CCND3: variants seen among roughly 807,000 people sequenced by gnomAD.
The protein encoded by CCND3 is cyclin D3.
Under a neutral mutation model 28.7 loss-of-function variants are expected in CCND3, and 9 were observed. The ratio of observed to expected loss-of-function variants is 0.31; its 90% CI spans 0.19 to 0.55. The LOEUF is 0.55. Among genes scored for constraint, CCND3 ranks in the 20% least tolerant of loss-of-function variants. The probability of loss-of-function intolerance (pLI) is 0.93; values close to 1 mark genes in which losing one functional copy is unlikely to be tolerated. For missense variants in CCND3, 315 were observed against 385.8 expected, an observed-to-expected ratio of 0.82 and a Z score of 1.54; for synonymous variants, 164 against 163.9, an observed-to-expected ratio of 1.00 and a Z score of 0.00.
At chr6:41,968,121 T>C (rs767979059) in intron 1 of CCND3, among the ~76,000 whole-genome samples, 7 of 152,136 alleles carry the variant, frequency 4.6e-5, no homozygotes, top group Non-Finnish European at 1.0e-4. Flanking sequence ...AATGCTGATA[T>C]CAATGAAGAT....
At chr6:41,987,034 T>TTAC (rs1160674173) in intron 1 of CCND3, among the ~76,000 whole-genome samples, 1 of 152,082 alleles carries the variant, frequency 6.6e-6, no homozygotes, top group Non-Finnish European at 1.5e-5. Context: ...TGAATAGTCA[T>TTAC]TACTATTCTG....
At chr6:42,001,003 A>G (rs1582148825) in intron 1 of CCND3, among the ~76,000 whole-genome samples, 1 of 151,902 alleles carries the variant, frequency 6.6e-6, no homozygotes, top group East Asian at 2.0e-4. Flanking sequence ...TGGGAGGCCG[A>G]GGCGGGCAGA....
chr6:41,985,191 C>CA (rs1482299237), intron 1 of CCND3, among the ~76,000 whole-genome samples: 3 of 151,802 alleles, frequency 2.0e-5, no homozygotes, highest in Non-Finnish European at 4.4e-5. Context: ...TGTTGCCTGT[C>CA]CTATGTCATT....
At chr6:41,973,499 C>A (rs1382775353) in intron 1 of CCND3, among the ~76,000 whole-genome samples, 1 of 152,086 alleles carries the variant, frequency 6.6e-6, no homozygotes, top group African/African-American at 2.4e-5. Context: ...ATATAGACTA[C>A]TGTACTATAA....
intron 1 of CCND3, among the ~76,000 whole-genome samples, chr6:42,010,025 G>A (rs939980014): frequency 3.3e-5 from 5 of 152,256 alleles, no homozygotes; most frequent in African/African-American, 1.2e-4. Context: ...GAGAACCTTT[G>A]TTCTAGAATG....
chr6:41,936,119 G>A lies in CCND3; in HGVS notation c.712-12C>T. 1 of 1,564,464 alleles carries A rather than the reference G, an allele frequency of 6.4e-7. No homozygotes were observed. The highest frequency in any genetic ancestry group is 8.7e-7 in the Non-Finnish European group (1 of 1,154,622). ...GCCCGCAGGCAGTCCTGGGAACATG[G>A]GAGAAGAGTGAGGAGCAAACACTCC... On this transcript the variant is annotated splice_polypyrimidine_tract_variant and intron_variant, in intron 4 of 4. Transcript: ENST00000372991. The surrounding 1 kb of genome is among the most constrained non-coding windows in gnomAD (Gnocchi z 4.4).
intron 1 of CCND3, among the ~76,000 whole-genome samples, chr6:42,016,187 G>A (rs147699362): frequency 0.02 from 3,093 of 152,142 alleles, 112 homozygotes; most frequent in African/African-American, 0.068. Flanking sequence ...CACCGGCCTC[G>A]GCCTCCCAAA....
At chr6:41,976,839 A>G (rs533266993) in intron 1 of CCND3, among the ~76,000 whole-genome samples, 2 of 152,154 alleles carry the variant, frequency 1.3e-5, no homozygotes, top group Non-Finnish European at 2.9e-5. Flanking sequence ...GGCCCACAGC[A>G]CACAGCACAG....
chr6:41,989,945 G>T (rs1292812677), intron 1 of CCND3, among the ~76,000 whole-genome samples: 3 of 152,022 alleles, frequency 2.0e-5, no homozygotes, highest in Non-Finnish European at 4.4e-5. Context: ...TAGGTGAATG[G>T]ATACCAAAGC....
chr6:42,030,341 G>A, intron 1 of CCND3, among the ~76,000 whole-genome samples: 1 of 152,122 alleles, frequency 6.6e-6, no homozygotes, highest in East Asian at 1.9e-4. Context: ...TGGGGTGTTT[G>A]GGGCAGTGAC....
intron 1 of CCND3, among the ~76,000 whole-genome samples, chr6:42,038,047 A>G (rs1213355948): frequency 6.6e-6 from 1 of 151,914 alleles, no homozygotes; most frequent in Admixed American, 6.6e-5. Flanking sequence ...AAAAAAAAAA[A>G]AAAGTTCTTT....
In CCND3 at chr6:41,995,297, G is replaced by A. The variant is rs561886597; in HGVS notation, c.-46+53204C>T. Among the ~76,000 whole-genome samples, 83 of 151,870 alleles carry A rather than the reference G, an allele frequency of 5.5e-4. 1 individual carries two copies. Among genetic ancestry groups the A allele is most frequent in the Non-Finnish European group, 9.6e-4 (65 of 67,948 alleles). On this transcript the variant is annotated intron_variant, in intron 1 of 4. Transcript: ENST00000372988. ...GGGTGGGGTGCAGTCTTGCTCTGTCGCCCAGGCTGGAGTGCAGTGGTGCGA... is the reference window on the plus strand; with the variant it reads ...GGGTGGGGTGCAGTCTTGCTCTGTCACCCAGGCTGGAGTGCAGTGGTGCGA...
In CCND3 at chr6:41,996,555, CT is replaced by C. The variant is rs1247447244; in HGVS notation, c.-46+51945del. On this transcript the variant is annotated intron_variant, in intron 1 of 4. Coordinates refer to the CCND3 transcript ENST00000372988. ...ACTTCCAGTTTGCATAGACTGCTCA[CT>C]TTTATCTACAGTCTCACTTATGTCT... Among the ~76,000 whole-genome samples, 8 of 152,116 alleles carry C rather than the reference CT, an allele frequency of 5.3e-5. 1 individual carries two copies. Among genetic ancestry groups the C allele is most frequent in the Admixed American group, 4.6e-4 (7 of 15,230 alleles).
chr6:42,025,587 C>G (rs746398255), intron 1 of CCND3, among the ~76,000 whole-genome samples: 22 of 152,200 alleles, frequency 1.4e-4, no homozygotes, highest in Non-Finnish European at 3.1e-4. Flanking sequence ...TGAAACCGCA[C>G]CTCCAATGCT....
chr6:41,934,951 G>T (rs1283515338), downstream of CCND3: 1 of 228,196 alleles, frequency 4.4e-6, no homozygotes, highest in Non-Finnish European at 8.7e-6. Context: ...GCCAAAGCCA[G>T]TTTTATTTCA....
intron 1 of CCND3, among the ~76,000 whole-genome samples, chr6:42,032,104 G>A (rs1764063132): frequency 1.3e-5 from 2 of 151,778 alleles, no homozygotes; most frequent in Non-Finnish European, 2.9e-5. Flanking sequence ...TCTTTTTTAA[G>A]AGACGAGGTC....
At chr6:41,980,607 A>G (rs1762318444) in intron 1 of CCND3, among the ~76,000 whole-genome samples, 2 of 152,204 alleles carry the variant, frequency 1.3e-5, no homozygotes, top group African/African-American at 4.8e-5. Flanking sequence ...AATATCTCCT[A>G]TAAACACAGA....
intron 1 of CCND3, among the ~76,000 whole-genome samples, chr6:42,036,650 C>T (rs951664673): frequency 2.0e-5 from 3 of 147,456 alleles, no homozygotes; most frequent in Non-Finnish European, 4.5e-5. Context: ...GTTATCTGCC[C>T]GCCTTGGCCT....
rs1387810445 is a variant in CCND3, at chr6:41,989,479, A to C, written c.-45-48894T>G. On this transcript the variant is annotated intron_variant, in intron 1 of 4. Transcript: ENST00000372988. ...CAAAAAAAAAAAACAAAAAAAAAAA[A>C]CAGAAAAGAAAACAACAATCTGATT... is the stretch of plus-strand genomic sequence containing the variant. Among the ~76,000 whole-genome samples, 357 of 149,714 alleles carry C rather than the reference A, an allele frequency of 2.4e-3. 4 individuals are homozygous for C. The highest frequency in any genetic ancestry group is 7.7e-3 in the African/African-American group (312 of 40,704).
Sources: gnomAD v4.1 joint callset for allele counts (sites outside exome capture counted in the v4.1 genomes callset) on GRCh38, gnomAD v4.1.1 for gene constraint, Gnocchi (gnomAD v3.1) non-coding constraint, MANE v1.5 for transcripts, NCBI Gene and HGNC (gene_info 2026-07-23, HGNC 2026-07-21) for gene names.